The following ZBTB8B variants were observed in gnomAD, a reference collection of about 807,000 sequenced individuals.
ZBTB8B encodes zinc finger and BTB domain-containing protein 8B.
Under a neutral mutation model 30.3 loss-of-function variants are expected in ZBTB8B, and 17 were observed. The ratio of observed to expected loss-of-function variants is 0.56; its 90% CI spans 0.38 to 0.84. ZBTB8B has a LOEUF of 0.84. Ranked by LOEUF, ZBTB8B falls within the 40% of genes least tolerant of loss-of-function variation. ZBTB8B has a pLI of 0.00. For missense variants in ZBTB8B, 515 were observed against 644.9 expected (o/e 0.80, Z 2.18); for synonymous variants, 248 against 255.6 (o/e 0.97, Z 0.28).
chr1:32,466,989 C>A (rs1643576187), intron 1 of ZBTB8B, among the ~76,000 whole-genome samples: 1 of 151,954 alleles, frequency 6.6e-6, no homozygotes, highest in South Asian at 2.1e-4. Flanking sequence ...CCCATCTCTA[C>A]AAAAAAATGT....
At position 32,477,894 on chromosome 1, in the gene ZBTB8B, C is replaced by A. The variant is rs1643675936; in HGVS notation, c.992-2997C>A. Among the ~76,000 whole-genome samples, 4 of 151,824 alleles carry A rather than the reference C, an allele frequency of 2.6e-5. No individual in the cohort carries two copies. In the South Asian group the frequency reaches 8.3e-4, roughly 32 times the overall value. On this transcript the variant is annotated intron_variant, in intron 2 of 3. Coordinates refer to ENST00000609129, the MANE Select transcript of ZBTB8B (RefSeq NM_001145720.2). Reference sequence around the variant, plus strand: ...CAACATGGTGAAACCTCGGTCTCTACTAAAAATATAAAATTAGCCAGGCAT... The same window carrying A: ...CAACATGGTGAAACCTCGGTCTCTAATAAAAATATAAAATTAGCCAGGCAT...
In ZBTB8B at chr1:32,471,342, G is replaced by A. The variant is rs1466254173; in HGVS notation, c.718G>A (p.Val240Met). The A allele has an allele frequency of 6.4e-7, 1 of 1,551,812 alleles. No homozygotes were observed. The highest frequency in any genetic ancestry group is 8.7e-7 in the Non-Finnish European group (1 of 1,147,028). ...KVEFDADEVE[V>M]DVGEQLQQYA... ...GGAATTTGATGCTGATGAAGTGGAG[G>A]TGGACGTTGGTGAACAGCTGCAGCA... is the stretch of plus-strand genomic sequence containing the variant. Residue 240 changes from valine (V) to methionine (M), a missense_variant, in exon 2 of 4, where the codon GTG becomes ATG. By Grantham distance (21) the Val-to-Met change is conservative. This residue lies in a region of ZBTB8B where 429 missense variants were observed against 504.3 expected (regional missense o/e 0.85). Coordinates refer to ENST00000609129, the MANE Select transcript of ZBTB8B (RefSeq NM_001145720.2).
intron 1 of ZBTB8B, among the ~76,000 whole-genome samples, chr1:32,468,683 A>G (rs1643592357): frequency 6.6e-6 from 1 of 152,184 alleles, no homozygotes; most frequent in Admixed American, 6.5e-5. Context: ...TAACACAGTG[A>G]AACCCCATCT....
chr1:32,475,811 G>A (rs1643660749), intron 2 of ZBTB8B, among the ~76,000 whole-genome samples: 1 of 151,138 alleles, frequency 6.6e-6, no homozygotes, highest in Non-Finnish European at 1.5e-5. Context: ...ATGCAAAGAG[G>A]GGAGGTTTTT....
intron 3 of ZBTB8B, among the ~76,000 whole-genome samples, chr1:32,482,011 TC>T (rs1481237681): frequency 9.2e-5 from 14 of 152,006 alleles, no homozygotes; most frequent in African/African-American, 3.4e-4. Flanking sequence ...TGAGACAGAG[TC>T]TCACTCTGTC....
rs1371558153 is a variant in ZBTB8B at position 32,493,226 on chromosome 1, TC to T, written c.*7810del. On this transcript the variant is annotated 3_prime_UTR_variant, in exon 4 of 4. Transcript: ENST00000609129. ...GGCGCGATCTTGGCTCACTGCAACC[TC>T]CGTATCCCAGGTTCAAGTGATTCCC... 1 of 152,062 alleles carries T rather than the reference TC, an allele frequency of 6.6e-6. No individual in the cohort carries two copies. The highest frequency in any genetic ancestry group is 6.6e-5 in the Admixed American group (1 of 15,266). 9.4% of individuals were successfully genotyped at this position (152,062 alleles called of 1,614,324 possible).
chr1:32,479,949 A>G (rs1643692317), intron 2 of ZBTB8B, among the ~76,000 whole-genome samples: 1 of 152,242 alleles, frequency 6.6e-6, no homozygotes, highest in African/African-American at 2.4e-5. Flanking sequence ...GGTCTTCATC[A>G]AAGCAAGCCT....
chr1:32,477,774 T>G (rs564049022), intron 2 of ZBTB8B, among the ~76,000 whole-genome samples: 1 of 151,678 alleles, frequency 6.6e-6, no homozygotes, highest in South Asian at 2.1e-4. Context: ...TAGCTGCCCA[T>G]GGCCGGGCAT....
At chr1:32,469,614 T>C (rs1048510235) in intron 1 of ZBTB8B, among the ~76,000 whole-genome samples, 4 of 152,148 alleles carry the variant, frequency 2.6e-5, no homozygotes, top group Non-Finnish European at 5.9e-5. Flanking sequence ...GAAAGTAGAA[T>C]GTAGTACATT....
intron 2 of ZBTB8B, among the ~76,000 whole-genome samples, chr1:32,480,344 C>T (rs974727524): frequency 6.6e-6 from 1 of 152,134 alleles, no homozygotes; most frequent in Non-Finnish European, 1.5e-5. Flanking sequence ...TCTGGTGTCT[C>T]TTCCTCTTCT....
intron 1 of ZBTB8B, 144 bp from the exon 2 acceptor site, chr1:32,470,440 C>T: frequency 1.4e-6 from 1 of 691,802 alleles, no homozygotes; most frequent in Non-Finnish European, 2.1e-6. Context: ...GCGGAGGTTG[C>T]AGTGAGCCGA....
At chr1:32,471,681 C>T in intron 2 of ZBTB8B, 66 bp downstream of exon 2, 2 of 1,470,450 alleles carry the variant, frequency 1.4e-6, no homozygotes, top group Non-Finnish European at 1.8e-6. Context: ...GCCTTGTGTT[C>T]TCCCATCATC....
chr1:32,477,369 G>T (rs1005298752), intron 2 of ZBTB8B, among the ~76,000 whole-genome samples: 1 of 152,174 alleles, frequency 6.6e-6, no homozygotes, highest in East Asian at 1.9e-4. Context: ...AGTGAGATCA[G>T]GAAAGGGGAA....
rs1016655893 is a variant in ZBTB8B, at chr1:32,488,950, C to T, written c.*3532C>T. On this transcript the variant is annotated 3_prime_UTR_variant, in exon 4 of 4. Transcript: ENST00000609129. ...TAGTTGGGATTATAGGCACGCGCCA[C>T]CACGCCTGGCCAATTTTTGTATTTT... The T allele has an allele frequency of 2.0e-5, 3 of 152,144 alleles. No individual in the cohort carries two copies. The highest frequency in any genetic ancestry group is 7.2e-5 in the African/African-American group (3 of 41,432). The allele number at this position is 152,144 out of a possible 1,614,324, so 9.4% of individuals were successfully genotyped here. A position where few individuals can be genotyped will look rare whatever the true frequency, so the allele number is the denominator to read the frequency against.
chr1:32,489,367 A>G lies in ZBTB8B; in HGVS notation c.*3949A>G, dbSNP rs1412222461. The G allele has an allele frequency of 1.3e-5, 2 of 152,204 alleles. No individual in the cohort carries two copies. Among genetic ancestry groups the G allele is most frequent in the African/African-American group, 2.4e-5 (1 of 41,442 alleles). 9.4% of individuals were successfully genotyped at this position (152,204 alleles called of 1,614,324 possible). The stretch of plus-strand genomic sequence containing the variant: ...TTTAAATGATTCTCTTTCTTTCGTA[A>G]TATCTCAGATTGTTGCATTTCTGGT... On this transcript the variant is annotated 3_prime_UTR_variant, in exon 4 of 4. Coordinates refer to ENST00000609129, the MANE Select transcript of ZBTB8B (RefSeq NM_001145720.2).
At chr1:32,470,545 G>A in intron 1 of ZBTB8B, 39 bp from the exon 2 acceptor site, 1 of 1,042,134 alleles carries the variant, frequency 9.6e-7, no homozygotes, top group South Asian at 1.7e-5. Flanking sequence ...GTTTGTAAAG[G>A]TTGGGATTTG....
intron 3 of ZBTB8B, among the ~76,000 whole-genome samples, chr1:32,483,282 A>T (rs113413071): frequency 7.0e-6 from 1 of 143,144 alleles, no homozygotes; most frequent in Admixed American, 7.1e-5. Flanking sequence ...AAAATTAGCC[A>T]GGCTTGGTGG....
chr1:32,475,141 C>T (rs1417677086), intron 2 of ZBTB8B, among the ~76,000 whole-genome samples: 2 of 152,222 alleles, frequency 1.3e-5, no homozygotes, highest in Non-Finnish European at 2.9e-5. Flanking sequence ...TATAGTTTTT[C>T]CAAGTGCTAA....
At chr1:32,479,682 G>A (rs1250397490) in intron 2 of ZBTB8B, among the ~76,000 whole-genome samples, 1 of 152,164 alleles carries the variant, frequency 6.6e-6, no homozygotes, top group Non-Finnish European at 1.5e-5. Context: ...TTTGGGACTT[G>A]AGCATCCTTG....
Sources: allele counts gnomAD v4.1 joint callset (sites outside exome capture counted in the v4.1 genomes callset), GRCh38; gene constraint gnomAD v4.1.1; regional missense constraint gnomAD v4.1.1; transcripts MANE v1.5; gene names NCBI Gene and HGNC (gene_info 2026-07-23, HGNC 2026-07-21).